Variants in PSIP1 observed in about 807,000 individuals in gnomAD.
The protein encoded by PSIP1 is PC4 and SFRS1-interacting protein.
A neutral mutation model predicts 74.7 loss-of-function variants in PSIP1; 19 were observed. That is an observed-to-expected ratio of 0.25 (90% CI 0.18 to 0.37). PSIP1 has a LOEUF of 0.37. Ranked by LOEUF, PSIP1 falls within the 10% of genes least tolerant of loss-of-function variation. PSIP1 has a pLI of 1.00. For missense variants in PSIP1, 601 were observed against 614.3 expected (o/e 0.98, Z 0.23); for synonymous variants, 222 against 195.3 (o/e 1.14, Z -1.14).
At chr9:15,472,125 A>G in intron 10 of PSIP1, 1 of 984,262 alleles carries the variant, frequency 1.0e-6, no homozygotes, top group Non-Finnish European at 1.2e-6. Context: ...TTTGAATTTG[A>G]TTTATATTGC....
intron 2 of PSIP1, among the ~76,000 whole-genome samples, chr9:15,508,159 A>T (rs2037685909): frequency 6.6e-6 from 1 of 152,248 alleles, no homozygotes. Context: ...TAAGACTTAA[A>T]AATTAATGAA....
chr9:15,493,214 C>G lies in PSIP1; in HGVS notation c.150-3090G>C, dbSNP rs1008012770. Among the ~76,000 whole-genome samples, 16 of 152,324 alleles carry G rather than the reference C, an allele frequency of 1.1e-4. No individual in the cohort carries two copies. In the East Asian group the frequency reaches 2.9e-3, roughly 28 times the overall value. On this transcript the variant is annotated intron_variant, in intron 3 of 15. Coordinates refer to ENST00000380733, the MANE Select transcript of PSIP1 (RefSeq NM_033222.5). ...GCCAGATACCCTAAATCATCTCTCT[C>G]AAGTTCAGAGTTCCACAGATCTCTA...
chr9:15,479,699 AAATTT>A lies in PSIP1; in HGVS notation c.457-17_457-13del, dbSNP rs1482226840. On this transcript the variant is annotated splice_polypyrimidine_tract_variant and intron_variant, in intron 6 of 15. Transcript: ENST00000380733. ...ACTTGTTTTTCTGCCTGAATTACAA[AAATTT>A]AATTAACTTATTTAGCAAATAGTAG... 3.1e-6 allele frequency: 5 copies of A among 1,604,280 alleles called. No individual in the cohort carries two copies. The highest frequency in any genetic ancestry group is 4.3e-6 in the Non-Finnish European group (5 of 1,173,732).
intron 15 of PSIP1, 196 bp from the exon 16 acceptor site, chr9:15,465,776 A>G (rs983081000): frequency 3.1e-5 from 16 of 513,228 alleles, no homozygotes; most frequent in Non-Finnish European, 5.4e-5. Context: ...ACCATGTTGT[A>G]TCTTCTTCCC....
Position 15,464,961 on chromosome 9 carries a change from AAAG to A in PSIP1, c.*556_*558del, listed in dbSNP as rs1428861304. 4.6e-6 allele frequency: 1 copy of A among 216,672 alleles called. No homozygotes were observed. The highest frequency in any genetic ancestry group is 2.3e-5 in the African/African-American group (1 of 44,414). 13.4% of individuals were successfully genotyped at this position (216,672 alleles called of 1,614,324 possible). On this transcript the variant is annotated 3_prime_UTR_variant, in exon 16 of 16. Transcript: ENST00000380733. Reference sequence around the variant, plus strand: ...AACCATACAGAGCACACATTGTTCCAAAGAAGCTGGATAATGTAGCACAATGTA... The same window carrying A: ...AACCATACAGAGCACACATTGTTCCAAAGCTGGATAATGTAGCACAATGTA...
At chr9:15,491,512 T>C (rs748674904) in intron 3 of PSIP1, among the ~76,000 whole-genome samples, 2 of 152,236 alleles carry the variant, frequency 1.3e-5, no homozygotes, top group African/African-American at 2.4e-5. Context: ...TTCGCAAATA[T>C]GGAATCCACA....
intron 3 of PSIP1, among the ~76,000 whole-genome samples, chr9:15,500,340 C>G (rs1006376209): frequency 6.6e-5 from 10 of 152,140 alleles, no homozygotes; most frequent in African/African-American, 2.2e-4. Context: ...TGGCGAGCGC[C>G]TGTAGTCCCA....
intron 8 of PSIP1, among the ~76,000 whole-genome samples, chr9:15,475,592 G>T (rs375133711): frequency 2.6e-5 from 4 of 152,234 alleles, no homozygotes; most frequent in Admixed American, 1.3e-4. Context: ...CCATACATAG[G>T]ATAGATCTTA....
chr9:15,473,057 A>G (rs534970312), intron 9 of PSIP1, among the ~76,000 whole-genome samples: 1 of 152,226 alleles, frequency 6.6e-6, no homozygotes, highest in Non-Finnish European at 1.5e-5. Context: ...AGCACACTAC[A>G]TGACCTATCC....
At chr9:15,469,767 A>G (rs2035756061) in intron 11 of PSIP1, among the ~76,000 whole-genome samples, 171 bp downstream of exon 11, 1 of 152,156 alleles carries the variant, frequency 6.6e-6, no homozygotes, top group Admixed American at 6.5e-5. Context: ...AGTTCACTTG[A>G]TTATGCTTAA....
rs2035552477 is a variant in PSIP1, at chr9:15,465,448, T to C, written c.*72A>G. ...ACCTATGCTTATAAAAATTTAAAACTTTCAGCAGTCTATTTCAAATGAAAA... is the reference window on the plus strand; with the variant it reads ...ACCTATGCTTATAAAAATTTAAAACCTTCAGCAGTCTATTTCAAATGAAAA... On this transcript the variant is annotated 3_prime_UTR_variant, in exon 16 of 16. Transcript: ENST00000380733. The C allele has an allele frequency of 1.5e-6, 2 of 1,331,684 alleles. No individual in the cohort carries two copies. The highest frequency in any genetic ancestry group is 1.5e-5 in the African/African-American group (1 of 66,502). The allele number at this position is 1,331,684 out of a possible 1,614,324, so 82.5% of individuals were successfully genotyped here.
intron 2 of PSIP1, among the ~76,000 whole-genome samples, chr9:15,509,749 T>C (rs1563905552): frequency 6.6e-6 from 1 of 152,244 alleles, no homozygotes; most frequent in East Asian, 1.9e-4. Context: ...ATTCCATTGA[T>C]ATTTTGTACT....
At chr9:15,473,927 CAAAAAAA>C in intron 9 of PSIP1, 75 bp downstream of exon 9, 1 of 514,486 alleles carries the variant, frequency 1.9e-6, no homozygotes, top group South Asian at 5.6e-5. Context: ...AAAAAAAAAA[CAAAAAAA>C]AAACAAAGAA....
chr9:15,501,634 T>C (rs890393278), intron 3 of PSIP1, among the ~76,000 whole-genome samples: 1 of 151,978 alleles, frequency 6.6e-6, no homozygotes, highest in African/African-American at 2.4e-5. Context: ...ATATCATTTG[T>C]AGGTAGTTTT....
intron 8 of PSIP1, among the ~76,000 whole-genome samples, chr9:15,476,117 CTGAG>C (rs1374903565): frequency 1.8e-4 from 27 of 152,322 alleles, no homozygotes; most frequent in African/African-American, 6.0e-4. Flanking sequence ...CTGCACTCCA[CTGAG>C]TGTGTGCCCA....
intron 4 of PSIP1, among the ~76,000 whole-genome samples, chr9:15,489,753 G>A (rs1434484324): frequency 1.3e-5 from 2 of 151,912 alleles, no homozygotes. Flanking sequence ...CCTCTATCAG[G>A]AGTTAAATAA....
At position 15,469,161 on chromosome 9, in the gene PSIP1, C is replaced by G. The variant is rs942301604; in HGVS notation, c.1105-103G>C. ...AAAAAAAAGAGGTAGTGCAAAATGA[C>G]CAGTAATTATCCCTTAAATTTACAT... On this transcript the variant is annotated intron_variant, in intron 12 of 15. Coordinates refer to ENST00000380733, the MANE Select transcript of PSIP1 (RefSeq NM_033222.5). The G allele has an allele frequency of 8.2e-6, 11 of 1,335,918 alleles. No homozygotes were observed. In the African/African-American group the frequency reaches 1.6e-4, roughly 20 times the overall value. The allele number at this position is 1,335,918 out of a possible 1,614,324, so 82.8% of individuals were successfully genotyped here.
intron 6 of PSIP1, among the ~76,000 whole-genome samples, chr9:15,482,725 T>C (rs1007997447): frequency 6.6e-6 from 1 of 152,234 alleles, no homozygotes; most frequent in African/African-American, 2.4e-5. Context: ...CTTTTGTCAT[T>C]TTAACACTTT....
At chr9:15,496,352 T>G (rs1449690127) in intron 3 of PSIP1, among the ~76,000 whole-genome samples, 1 of 152,224 alleles carries the variant, frequency 6.6e-6, no homozygotes, top group African/African-American at 2.4e-5. Context: ...AATTCCACTT[T>G]TAACAGACAG....
Sources: allele counts gnomAD v4.1 joint callset (sites outside exome capture counted in the v4.1 genomes callset), GRCh38; gene constraint gnomAD v4.1.1; transcripts MANE v1.5; gene names NCBI Gene and HGNC (gene_info 2026-07-23, HGNC 2026-07-21).